KCTD16: variants seen among roughly 807,000 people sequenced by gnomAD.
The protein encoded by KCTD16 is potassium channel tetramerization domain containing 16.
In KCTD16, 13 loss-of-function variants were observed where a neutral mutation model predicts 33.2. That is an observed-to-expected ratio of 0.39 (90% CI 0.25 to 0.62). The LOEUF (loss-of-function observed/expected upper bound fraction) is 0.62, where lower values mean the gene tolerates loss of function less well. KCTD16 is among the 20% of genes least tolerant of loss of function. The probability of loss-of-function intolerance (pLI) is 0.50; values close to 1 mark genes in which losing one functional copy is unlikely to be tolerated. For synonymous variants in KCTD16, 197 were observed against 195.3 expected, an observed-to-expected ratio of 1.01 and a Z score of -0.07; for missense variants, 441 against 525.1, an observed-to-expected ratio of 0.84 and a Z score of 1.57.
intron 3 of KCTD16, among the ~76,000 whole-genome samples, chr5:144,274,976 C>T (rs1755400493): frequency 6.6e-6 from 1 of 152,110 alleles, no homozygotes; most frequent in Non-Finnish European, 1.5e-5. Flanking sequence ...AAAGGTGGCC[C>T]TTCCTCTGGT....
chr5:144,416,824 T>C (rs1175230564), intron 3 of KCTD16, among the ~76,000 whole-genome samples: 1 of 152,178 alleles, frequency 6.6e-6, no homozygotes, highest in African/African-American at 2.4e-5. Flanking sequence ...TGTTTTTGTG[T>C]CTTTGTGGAT....
chr5:144,224,308 T>C (rs1052030568), intron 3 of KCTD16, among the ~76,000 whole-genome samples: 2 of 151,816 alleles, frequency 1.3e-5, no homozygotes, highest in Non-Finnish European at 2.9e-5. Context: ...TTGTACCTAG[T>C]AGTTTGGAAT....
chr5:144,224,053 A>C (rs888321161), intron 3 of KCTD16, among the ~76,000 whole-genome samples: 1 of 152,004 alleles, frequency 6.6e-6, no homozygotes, highest in African/African-American at 2.4e-5. Flanking sequence ...TAGTGTGTTC[A>C]TTTTTATTTG....
At chr5:144,172,300 T>C (rs540243468) in intron 1 of KCTD16, among the ~76,000 whole-genome samples, 159 of 152,340 alleles carry the variant, frequency 1.0e-3, no homozygotes, top group African/African-American at 3.7e-3. Context: ...ATCATAGTTG[T>C]ACATATTTAT....
chr5:144,274,525 A>G (rs1755390561), intron 3 of KCTD16, among the ~76,000 whole-genome samples: 1 of 152,188 alleles, frequency 6.6e-6, no homozygotes, highest in African/African-American at 2.4e-5. Context: ...TTTCTCCAGA[A>G]TCCTGAAAAA....
Position 144,450,162 on chromosome 5 carries a change from C to T in KCTD16, c.833-23498C>T, listed in dbSNP as rs552492075. Among the ~76,000 whole-genome samples, 308 of 151,976 alleles carry T rather than the reference C, an allele frequency of 2.0e-3. 2 individuals carry two copies. The highest frequency in any genetic ancestry group is 7.1e-3 in the African/African-American group (293 of 41,488). On this transcript the variant is annotated intron_variant, in intron 3 of 3. Transcript: ENST00000512467. Reference sequence around the variant, plus strand: ...AGAACTGAATAGCTATTTCTCTAAACGTGACCATACAAATGGCCACCGGGT... The same window carrying T: ...AGAACTGAATAGCTATTTCTCTAAATGTGACCATACAAATGGCCACCGGGT...
chr5:144,267,022 C>T (rs1349520733), intron 3 of KCTD16, among the ~76,000 whole-genome samples: 1 of 152,128 alleles, frequency 6.6e-6, no homozygotes, highest in East Asian at 1.9e-4. Flanking sequence ...TTCCTTGACA[C>T]ACATACCTTG....
intron 3 of KCTD16, among the ~76,000 whole-genome samples, chr5:144,230,603 T>C (rs1754073503): frequency 6.6e-6 from 1 of 152,206 alleles, no homozygotes; most frequent in Non-Finnish European, 1.5e-5. Context: ...AAGTTTTTTT[T>C]TTTCTTTTCT....
Position 144,483,191 on chromosome 5 carries a change from C to T in KCTD16, c.*9077C>T, listed in dbSNP as rs1352365708. On this transcript the variant is annotated 3_prime_UTR_variant, in exon 4 of 4. Transcript: ENST00000512467. Reference sequence around the variant, plus strand: ...AAAACCCAAAACACTACCAAATGAACAGTGATAATGTTTAAGAAGAAAAAG... The same window carrying T: ...AAAACCCAAAACACTACCAAATGAATAGTGATAATGTTTAAGAAGAAAAAG... 7.0e-6 allele frequency: 1 copy of T among 143,636 alleles called. No homozygotes were observed. The highest frequency in any genetic ancestry group is 2.6e-5 in the African/African-American group (1 of 38,946). 8.9% of individuals were successfully genotyped at this position (143,636 alleles called of 1,614,324 possible).
chr5:144,344,211 A>G (rs1259930967), intron 3 of KCTD16, among the ~76,000 whole-genome samples: 2 of 152,212 alleles, frequency 1.3e-5, no homozygotes, highest in Admixed American at 1.3e-4. Context: ...AATTAATTCA[A>G]GATGGATTAA....
intron 2 of KCTD16, among the ~76,000 whole-genome samples, chr5:144,195,705 GCC>G (rs1752927484): frequency 6.6e-6 from 1 of 152,170 alleles, no homozygotes. Flanking sequence ...TAATGAATCA[GCC>G]CTGTCTGGAA....
chr5:144,436,335 G>T (rs1753575217), intron 3 of KCTD16, among the ~76,000 whole-genome samples: 1 of 152,120 alleles, frequency 6.6e-6, no homozygotes, highest in Admixed American at 6.6e-5. Flanking sequence ...TGTTAAGCAT[G>T]CTCCACTTAG....
intron 3 of KCTD16, among the ~76,000 whole-genome samples, chr5:144,367,165 C>T (rs1192436788): frequency 6.6e-6 from 1 of 152,142 alleles, no homozygotes; most frequent in Non-Finnish European, 1.5e-5. Flanking sequence ...CTGATGAGAC[C>T]AGTAATAGAT....
chr5:144,237,578 C>T (rs2126818300), intron 3 of KCTD16, among the ~76,000 whole-genome samples: 1 of 152,108 alleles, frequency 6.6e-6, no homozygotes, highest in East Asian at 1.9e-4. Flanking sequence ...ACAGCATTTC[C>T]TTCTTTATTG....
rs181264731 is a variant in KCTD16 at position 144,434,733 on chromosome 5, A to C, written c.833-38927A>C. Among the ~76,000 whole-genome samples, 342 of 152,316 alleles carry C rather than the reference A, an allele frequency of 2.2e-3. 2 individuals are homozygous for C. The highest frequency in any genetic ancestry group is 6.7e-3 in the African/African-American group (280 of 41,574). On this transcript the variant is annotated intron_variant, in intron 3 of 3. Transcript: ENST00000512467. ...GCCTAATCAGTATCTAAAATATGTCATAATACAGCTGGATCATAGAGGTGG... is the reference window on the plus strand; with the variant it reads ...GCCTAATCAGTATCTAAAATATGTCCTAATACAGCTGGATCATAGAGGTGG...
chr5:144,265,345 C>T (rs1184511418), intron 3 of KCTD16, among the ~76,000 whole-genome samples: 1 of 152,188 alleles, frequency 6.6e-6, no homozygotes, highest in Non-Finnish European at 1.5e-5. Flanking sequence ...TTTCCACTGA[C>T]ACTTTTATTT....
intron 3 of KCTD16, among the ~76,000 whole-genome samples, chr5:144,274,707 T>C (rs1409832129): frequency 2.0e-5 from 3 of 152,188 alleles, no homozygotes; most frequent in Non-Finnish European, 2.9e-5. Context: ...AAGAGAATTG[T>C]ACCTTTCTAT....
chr5:144,195,088 T>C (rs1752916927), intron 2 of KCTD16, among the ~76,000 whole-genome samples: 1 of 152,182 alleles, frequency 6.6e-6, no homozygotes, highest in South Asian at 2.1e-4. Context: ...CAGGATATCC[T>C]TAATTACAGG....
chr5:144,201,557 G>C (rs980518785), intron 2 of KCTD16, among the ~76,000 whole-genome samples: 19 of 152,164 alleles, frequency 1.2e-4, no homozygotes, highest in African/African-American at 4.6e-4. Context: ...CTTGCTAAAA[G>C]CCATGGAATG....
Sources: gnomAD v4.1 joint callset for allele counts (sites outside exome capture counted in the v4.1 genomes callset) on GRCh38, gnomAD v4.1.1 for gene constraint, MANE v1.5 for transcripts, NCBI Gene and HGNC (gene_info 2026-07-23, HGNC 2026-07-21) for gene names.